Variants in NT5E observed in about 807,000 individuals in gnomAD.
NT5E encodes 5'-nucleotidase ecto.
Under a neutral mutation model 55.1 loss-of-function variants are expected in NT5E, and 53 were observed. The observed-to-expected ratio is 0.96, with a 90% CI of 0.77 to 1.21. The LOEUF (loss-of-function observed/expected upper bound fraction) is 1.21. NT5E is among the 50% of genes most tolerant of loss of function. The probability of loss-of-function intolerance (pLI) is 0.00; values close to 1 mark genes in which losing one functional copy is unlikely to be tolerated. For missense variants in NT5E, 683 were observed against 724.3 expected (o/e 0.94, Z 0.65); for synonymous variants, 270 against 278.4 (o/e 0.97, Z 0.30).
intron 1 of NT5E, among the ~76,000 whole-genome samples, chr6:85,462,552 C>A (rs1158012690): frequency 1.3e-5 from 2 of 152,158 alleles, no homozygotes; most frequent in East Asian, 3.9e-4. Flanking sequence ...GTACCTTGCA[C>A]ACATGTCTCT....
intron 3 of NT5E, among the ~76,000 whole-genome samples, chr6:85,473,520 A>G (rs561408938): frequency 6.6e-6 from 1 of 152,274 alleles, no homozygotes; most frequent in East Asian, 1.9e-4. Context: ...CTTTAGAATA[A>G]TGGTTTCAAA....
intron 4 of NT5E, among the ~76,000 whole-genome samples, chr6:85,486,640 C>T (rs1230160347): frequency 6.6e-6 from 1 of 152,188 alleles, no homozygotes; most frequent in East Asian, 1.9e-4. Flanking sequence ...GGGGGAAGCA[C>T]ATCACGTGCT....
In NT5E at chr6:85,450,862, A is replaced by G. The variant is rs1310957444; in HGVS notation, c.339+384A>G. On this transcript the variant is annotated intron_variant, in intron 1 of 8. Coordinates refer to ENST00000257770, the MANE Select transcript of NT5E (RefSeq NM_002526.4). This position sits in a 1 kb window ranked among gnomAD's most constrained non-coding sequence, Gnocchi z 4.0. ...GCTTTATCTCAATCTAGATCTTTCG[A>G]AAAATGCTTTATCTCAATCTTATTG... Among the ~76,000 whole-genome samples the G allele has an allele frequency of 1.3e-5, 2 of 152,230 alleles. No individual in the cohort carries two copies. The highest frequency in any genetic ancestry group is 6.5e-5 in the Admixed American group (1 of 15,292).
intron 1 of NT5E, among the ~76,000 whole-genome samples, chr6:85,464,866 C>T (rs986477420): frequency 1.3e-5 from 2 of 152,042 alleles, no homozygotes; most frequent in Non-Finnish European, 2.9e-5. Context: ...GGGACTCCAC[C>T]GCACCAGGGC....
rs1298084207 is a variant in NT5E at position 85,467,294 on chromosome 6, T to C, written c.562+12T>C. On this transcript the variant is annotated intron_variant, in intron 2 of 8. Transcript: ENST00000257770. ...TCTCTCAAATCCAGGTATTTTCTAC[T>C]TTTATAGCACTCAATGCTTGAAAAT... 3 of 1,603,750 alleles carry C rather than the reference T, an allele frequency of 1.9e-6. No individual in the cohort carries two copies. In the African/African-American group the frequency reaches 4.0e-5, roughly 21 times the overall value.
intron 8 of NT5E, 83 bp from the exon 9 acceptor site, chr6:85,493,758 C>T (rs1769835452): frequency 3.3e-6 from 4 of 1,211,806 alleles, no homozygotes. Flanking sequence ...AAATTGCTTC[C>T]CTTTTATAAT....
chr6:85,490,969 A>G (rs1319320265), intron 7 of NT5E: 1 of 503,918 alleles, frequency 2.0e-6, no homozygotes, highest in Non-Finnish European at 3.9e-6. Flanking sequence ...TTATTTAAGC[A>G]TTCAATTATT....
intron 3 of NT5E, among the ~76,000 whole-genome samples, chr6:85,474,851 T>A (rs1769393745): frequency 6.6e-6 from 1 of 152,090 alleles, no homozygotes; most frequent in African/African-American, 2.4e-5. Flanking sequence ...GGAGAATTGC[T>A]TGAATCGGGG....
intron 3 of NT5E, among the ~76,000 whole-genome samples, chr6:85,480,001 C>T (rs1041198417): frequency 2.6e-5 from 4 of 152,184 alleles, no homozygotes; most frequent in Non-Finnish European, 5.9e-5. Context: ...GCTTTCCCTA[C>T]CCTGTATTCA....
intron 3 of NT5E, among the ~76,000 whole-genome samples, chr6:85,484,441 G>A (rs2127724109): frequency 6.6e-6 from 1 of 152,200 alleles, no homozygotes; most frequent in South Asian, 2.1e-4. Context: ...GGCAGTGGTG[G>A]GCCTCCTAGC....
At chr6:85,477,014 A>T (rs1769451512) in intron 3 of NT5E, among the ~76,000 whole-genome samples, 1 of 152,144 alleles carries the variant, frequency 6.6e-6, no homozygotes, top group African/African-American at 2.4e-5. Context: ...AGCCATTGCC[A>T]GGGACCCCAC....
Position 85,450,557 on chromosome 6 carries a change from G to A in NT5E, c.339+79G>A. 1 of 1,367,694 alleles carries A rather than the reference G, an allele frequency of 7.3e-7. No individual in the cohort carries two copies. The highest frequency in any genetic ancestry group is 1.2e-5 in the South Asian group (1 of 80,070). 84.7% of individuals were successfully genotyped at this position (1,367,694 alleles called of 1,614,324 possible). ...GGCTGGAAAAGCAGCGGATGGCAGA[G>A]TGTGGCAAGCCTAGGTCCAGGGCGC... On this transcript the variant is annotated intron_variant, in intron 1 of 8. Transcript: ENST00000257770. The surrounding 1 kb of genome is among the most constrained non-coding windows in gnomAD (Gnocchi z 4.0).
intron 6 of NT5E, among the ~76,000 whole-genome samples, chr6:85,490,214 A>C (rs1352689694): frequency 6.6e-6 from 1 of 152,140 alleles, no homozygotes; most frequent in African/African-American, 2.4e-5. Context: ...ATGCAAAACA[A>C]ACTACTGGAG....
At chr6:85,478,732 T>C (rs568122676) in intron 3 of NT5E, among the ~76,000 whole-genome samples, 35 of 150,980 alleles carry the variant, frequency 2.3e-4, no homozygotes, top group Admixed American at 8.6e-4. Context: ...GTTAAATATA[T>C]TTATATATAT....
intron 1 of NT5E, among the ~76,000 whole-genome samples, chr6:85,463,550 T>TC (rs1174052449): frequency 6.6e-6 from 1 of 152,186 alleles, no homozygotes; most frequent in Non-Finnish European, 1.5e-5. Context: ...ATGGGAACTT[T>TC]CAGAGAGGAC....
chr6:85,465,534 T>C (rs1236126729), intron 1 of NT5E, among the ~76,000 whole-genome samples: 2 of 152,104 alleles, frequency 1.3e-5, no homozygotes, highest in African/African-American at 2.4e-5. Flanking sequence ...GTTAATTAGA[T>C]AACAGGAAGA....
intron 3 of NT5E, among the ~76,000 whole-genome samples, chr6:85,478,735 A>T (rs1289300485): frequency 1.3e-5 from 2 of 150,510 alleles, no homozygotes; most frequent in East Asian, 1.9e-4. Flanking sequence ...AAATATATTT[A>T]TATATATATA....
At chr6:85,475,820 G>T (rs929830305) in intron 3 of NT5E, among the ~76,000 whole-genome samples, 53 of 152,192 alleles carry the variant, frequency 3.5e-4, no homozygotes, top group African/African-American at 1.2e-3. Flanking sequence ...AAGTTAAAGG[G>T]ATTTGAATTG....
intron 1 of NT5E, among the ~76,000 whole-genome samples, chr6:85,451,753 G>A (rs887117771): frequency 3.3e-5 from 5 of 152,174 alleles, no homozygotes; most frequent in South Asian, 2.1e-4. Flanking sequence ...GAGCTTAGAG[G>A]TCAGGAGAGC....
Sources: allele counts gnomAD v4.1 joint callset (sites outside exome capture counted in the v4.1 genomes callset), GRCh38; gene constraint gnomAD v4.1.1; non-coding constraint Gnocchi (gnomAD v3.1); transcripts MANE v1.5; gene names NCBI Gene and HGNC (gene_info 2026-07-23, HGNC 2026-07-21).